Variants in CFAP74 observed in about 807,000 individuals in gnomAD.
The protein encoded by CFAP74 is cilia and flagella associated protein 74, also known as cilia- and flagella-associated protein 74.
Under a neutral mutation model 188.9 loss-of-function variants are expected in CFAP74, and 124 were observed. The observed-to-expected ratio is 0.66, with a 90% CI of 0.57 to 0.76. CFAP74 has a LOEUF of 0.76. Among genes scored for constraint, CFAP74 ranks in the 30% least tolerant of loss-of-function variants. CFAP74 has a pLI of 0.00. For missense variants in CFAP74, 2,198 were observed against 2,165.2 expected (o/e 1.02, Z -0.30); for synonymous variants, 956 against 916.7 (o/e 1.04, Z -0.77).
Position 1,961,235 on chromosome 1 carries a change from C to T in CFAP74, c.1695-1205G>A, listed in dbSNP as rs187604402. Reference sequence around the variant, plus strand: ...GAGAATGAATGGGGGAGGGGCGATGCCTGGGGAGCTGGGGCTGAGAAGTTC... The same window carrying T: ...GAGAATGAATGGGGGAGGGGCGATGTCTGGGGAGCTGGGGCTGAGAAGTTC... On this transcript the variant is annotated intron_variant, in intron 14 of 38. Transcript: ENST00000682832. Among the ~76,000 whole-genome samples the T allele has an allele frequency of 7.2e-5, 11 of 152,230 alleles. No individual in the cohort carries two copies. In the East Asian group the frequency reaches 2.1e-3, roughly 29 times the overall value.
At position 1,964,946 on chromosome 1, in the gene CFAP74, C is replaced by T. The variant is rs1655362703; in HGVS notation, c.1517G>A (p.Trp506Ter). 6.2e-7 allele frequency: 1 copy of T among 1,613,896 alleles called. No individual in the cohort carries two copies. The highest frequency in any genetic ancestry group is 1.3e-5 in the African/African-American group (1 of 74,942). ...GGGGCGTCCTTGGAACTCACGCCCC[C>T]ACACCACCTGCTTGTGGACCACCCT... ...RSRVVHKQVV[W>*]GREFQGRPFN... is the part of the protein sequence containing the mutation. Residue 506 changes from tryptophan (W) to a stop codon, truncating the protein, a stop_gained, in exon 13 of 39, where the codon TGG becomes TAG. Transcript: ENST00000682832. LOFTEE classifies it high-confidence loss of function.
Position 1,927,024 on chromosome 1 carries a change from C to G in CFAP74, c.3532G>C (p.Asp1178His), listed in dbSNP as rs559543526. 1.3e-6 allele frequency: 2 copies of G among 1,550,090 alleles called. No individual in the cohort carries two copies. The highest frequency in any genetic ancestry group is 1.4e-5 in the African/African-American group (1 of 73,058). Reference protein sequence around the residue: ...MRKRELRPSSDEYQAARATLL... With the variant: ...MRKRELRPSSHEYQAARATLL... ...GTGGCTCGGGCGGCCTGGTACTCGT[C>G]GGAACTAGAAGGAAGTCAGAGGCTT... The change falls in exon 29 of 39, where the codon GAC becomes CAC. Residue 1178 changes from aspartate to histidine, a missense_variant. Coordinates refer to ENST00000682832, the MANE Select transcript of CFAP74 (RefSeq NM_001304360.2).
At chr1:1,944,637 C>T (rs1235898652) in intron 20 of CFAP74, among the ~76,000 whole-genome samples, 185 bp from the exon 21 acceptor site, 3 of 152,148 alleles carry the variant, frequency 2.0e-5, no homozygotes, top group South Asian at 2.1e-4. Context: ...GACGGAGTCT[C>T]GCTCTGTCGC....
intron 2 of CFAP74, among the ~76,000 whole-genome samples, chr1:1,989,665 T>G (rs1306552218): frequency 6.6e-6 from 1 of 152,228 alleles, no homozygotes; most frequent in Non-Finnish European, 1.5e-5. Context: ...TTCCCTATGA[T>G]GACCAGGCTG....
At chr1:1,999,905 C>T (rs1658112743) in intron 1 of CFAP74, among the ~76,000 whole-genome samples, 1 of 152,010 alleles carries the variant, frequency 6.6e-6, no homozygotes, top group South Asian at 2.1e-4. Context: ...GTGGCTCACG[C>T]CTGTAATCCC....
In CFAP74 at chr1:1,923,002, G is replaced by T; in HGVS notation, c.4666C>A (p.Gln1556Lys). Reference protein sequence around the residue: ...ELQVGCIRTTQPSPKKTVEFS... With the variant: ...ELQVGCIRTTKPSPKKTVEFS... ...GTGGGCACCTTCTTTGGAGATGGCT[G>T]GGTGGTCCGGATACAGCCCACCTGC... Residue 1556 changes from glutamine to lysine, a missense_variant, in exon 37 of 39, where the codon CAG (glutamine) becomes AAG (lysine). By Grantham distance (53) the Gln-to-Lys change is moderately conservative (BLOSUM62 1). Coordinates refer to ENST00000682832, the MANE Select transcript of CFAP74 (RefSeq NM_001304360.2). The surrounding 1 kb of genome is among the most constrained non-coding windows in gnomAD (Gnocchi z 6.3). 6.3e-7 allele frequency: 1 copy of T among 1,587,418 alleles called. No homozygotes were observed. Among genetic ancestry groups the T allele is most frequent in the Non-Finnish European group, 8.5e-7 (1 of 1,170,382 alleles).
chr1:1,925,504 T>A (rs1355494094), intron 33 of CFAP74, among the ~76,000 whole-genome samples: 1 of 150,338 alleles, frequency 6.7e-6, no homozygotes, highest in Non-Finnish European at 1.5e-5. Flanking sequence ...GGGGGAGCTC[T>A]GTGCAGGGGC....
chr1:1,988,105 C>T (rs988957243), intron 4 of CFAP74: 11 of 472,676 alleles, frequency 2.3e-5, no homozygotes, highest in East Asian at 2.1e-4. Context: ...CACCACTCTC[C>T]GCTGAATGTT....
intron 14 of CFAP74, among the ~76,000 whole-genome samples, chr1:1,962,249 TC>T (rs1655138762): frequency 6.6e-6 from 1 of 151,794 alleles, no homozygotes; most frequent in African/African-American, 2.4e-5. Flanking sequence ...GAGGTGGGCC[TC>T]GGATCACCTG....
At chr1:1,947,148 A>G (rs1653828833) in intron 18 of CFAP74, 94 bp from the exon 19 acceptor site, 1 of 902,466 alleles carries the variant, frequency 1.1e-6, no homozygotes, top group South Asian at 1.4e-5. Context: ...CTCCAAACCC[A>G]TATCCTGGGC....
intron 1 of CFAP74, among the ~76,000 whole-genome samples, chr1:1,996,576 T>G (rs894087447): frequency 7.9e-5 from 12 of 152,126 alleles, no homozygotes. Context: ...ATTAAGTGTG[T>G]GTAATCTCAT....
chr1:1,975,066 G>T lies in CFAP74; in HGVS notation c.501-868C>A, dbSNP rs183673250. On this transcript the variant is annotated intron_variant, in intron 6 of 38. Coordinates refer to ENST00000682832, the MANE Select transcript of CFAP74 (RefSeq NM_001304360.2). This position sits in a 1 kb window ranked among gnomAD's most constrained non-coding sequence, Gnocchi z 4.5. ...CAAGGTCAGACGCAGGCGTTGAGCC[G>T]GCATCCTCACTGCATTGCTGACATT... Among the ~76,000 whole-genome samples the T allele has an allele frequency of 6.6e-6, 1 of 152,232 alleles. No homozygotes were observed. The highest frequency in any genetic ancestry group is 2.1e-4 in the South Asian group (1 of 4,834).
intron 10 of CFAP74, 29 bp downstream of exon 10, chr1:1,970,630 C>T (rs368218075): frequency 6.3e-7 from 1 of 1,582,076 alleles, no homozygotes; most frequent in South Asian, 1.1e-5. Flanking sequence ...GCGGGTGCCT[C>T]CCGGTGGCAC....
chr1:1,989,229 G>T (rs1657433636), intron 2 of CFAP74, among the ~76,000 whole-genome samples: 1 of 152,138 alleles, frequency 6.6e-6, no homozygotes, highest in African/African-American at 2.4e-5. Context: ...GCACAGCACC[G>T]CTTGGCTGGT....
At position 1,991,019 on chromosome 1, in the gene CFAP74, T is replaced by C. The variant is rs76892099; in HGVS notation, c.-19-44A>G. On this transcript the variant is annotated intron_variant, in intron 1 of 38. Coordinates refer to ENST00000682832, the MANE Select transcript of CFAP74 (RefSeq NM_001304360.2). ...AAATATAGATCAATAAAATCATAGA[T>C]TTAAAAGACGGTGAATTAACCATTT... 2.9e-3 allele frequency: 3,857 copies of C among 1,331,196 alleles called. 119 individuals are homozygous for C. In the African/African-American group the frequency reaches 0.05, roughly 17 times the overall value. 82.5% of individuals were successfully genotyped at this position (1,331,196 alleles called of 1,614,324 possible). A position where few individuals can be genotyped will look rare whatever the true frequency, so the allele number is the denominator to read the frequency against.
In CFAP74 at chr1:1,973,954, C is replaced by T; in HGVS notation, c.674+71G>A. The T allele has an allele frequency of 1.4e-6, 2 of 1,406,790 alleles. No homozygotes were observed. The highest frequency in any genetic ancestry group is 1.5e-5 in the African/African-American group (1 of 68,810). 87.1% of individuals were successfully genotyped at this position (1,406,790 alleles called of 1,614,324 possible). On this transcript the variant is annotated intron_variant, in intron 7 of 38. Coordinates refer to ENST00000682832, the MANE Select transcript of CFAP74 (RefSeq NM_001304360.2). This position sits in a 1 kb window ranked among gnomAD's most constrained non-coding sequence, Gnocchi z 6.2. ...AGGGCGAGGCTGAATCTGGAGACCC[C>T]TGGGGGAGAGGGCGGAGGGGCTGGC...
chr1:1,963,740 T>C lies in CFAP74; in HGVS notation c.1694+9A>G, dbSNP rs1390852085. 8 of 1,590,940 alleles carry C rather than the reference T, an allele frequency of 5.0e-6. No homozygotes were observed. In the Admixed American group the frequency reaches 1.3e-4, roughly 27 times the overall value. On this transcript the variant is annotated intron_variant, in intron 14 of 38. Coordinates refer to ENST00000682832, the MANE Select transcript of CFAP74 (RefSeq NM_001304360.2). ...ACCGCGTCCCTCCCTGTCTGAGCCG[T>C]CCTCTTACTCAACGTGGATGAAGTC...
intron 28 of CFAP74, 163 bp downstream of exon 28, chr1:1,927,444 A>G: frequency 1.4e-6 from 1 of 703,606 alleles, no homozygotes; most frequent in Non-Finnish European, 2.3e-6. Flanking sequence ...GGTAGGTCCC[A>G]GGAAGGCAGC....
rs781124939 is a variant in CFAP74, at chr1:1,974,146, T to C, written c.553A>G (p.Thr185Ala). Residue 185 changes from threonine (T) to alanine (A), a missense_variant, in exon 7 of 39, where the codon ACA (threonine) becomes GCA (alanine). Thr to Ala is a moderately conservative substitution (Grantham distance 58, BLOSUM62 0). Transcript: ENST00000682832. The stretch of plus-strand genomic sequence containing the variant: ...GCCTCCACCTCCTCACGGTCAGCTG[T>C]CCGGAAGGCCTCGAGTCGCCCCTCC... Reference protein sequence around the residue: ...IQEGRLEAFRTADREEVEATG... With the variant: ...IQEGRLEAFRAADREEVEATG... The C allele has an allele frequency of 6.2e-7, 1 of 1,611,848 alleles. No individual in the cohort carries two copies. The highest frequency in any genetic ancestry group is 2.2e-5 in the East Asian group (1 of 44,720).
Sources: gnomAD v4.1 joint callset for allele counts (sites outside exome capture counted in the v4.1 genomes callset) on GRCh38, gnomAD v4.1.1 for gene constraint, Gnocchi (gnomAD v3.1) non-coding constraint, MANE v1.5 for transcripts, NCBI Gene and HGNC (gene_info 2026-07-23, HGNC 2026-07-21) for gene names.